MTHFD2L: variants seen among roughly 807,000 people sequenced by gnomAD.
The protein encoded by MTHFD2L is methylenetetrahydrofolate dehydrogenase (NADP+ dependent) 2 like.
In MTHFD2L, 29 loss-of-function variants were observed where a neutral mutation model predicts 34.9. The ratio of observed to expected loss-of-function variants is 0.83; its 90% CI spans 0.62 to 1.13. The LOEUF is 1.13. MTHFD2L is among the 50% of genes most tolerant of loss of function. MTHFD2L has a pLI of 0.00. For synonymous variants in MTHFD2L, 167 were observed against 155.7 expected (o/e 1.07, Z -0.54); for missense variants, 481 against 446.5 (o/e 1.08, Z -0.70).
chr4:74,159,594 T>C (rs1485129987), intron 1 of MTHFD2L, among the ~76,000 whole-genome samples: 3 of 152,232 alleles, frequency 2.0e-5, no homozygotes, highest in Non-Finnish European at 4.4e-5. Flanking sequence ...ATGACCTGCA[T>C]ACATTGAATG....
intron 2 of MTHFD2L, among the ~76,000 whole-genome samples, chr4:74,115,045 A>ACT (rs1261415865): frequency 6.6e-6 from 1 of 152,168 alleles, no homozygotes. Context: ...ATGGTACATC[A>ACT]CAGTAAGTGT....
chr4:74,167,118 C>T (rs1441768038), intron 1 of MTHFD2L, among the ~76,000 whole-genome samples: 1 of 152,210 alleles, frequency 6.6e-6, no homozygotes, highest in African/African-American at 2.4e-5. Context: ...CAGTTGACAG[C>T]CCACCCCAGT....
At position 74,301,925 on chromosome 4, in the gene MTHFD2L, TG is replaced by T. The variant is rs1260321401; in HGVS notation, c.*119del. 8 of 497,492 alleles carry T rather than the reference TG, an allele frequency of 1.6e-5. No individual in the cohort carries two copies. Among genetic ancestry groups the T allele is most frequent in the Non-Finnish European group, 2.1e-5 (6 of 286,596 alleles). 30.8% of individuals were successfully genotyped at this position (497,492 alleles called of 1,614,324 possible). On this transcript the variant is annotated 3_prime_UTR_variant, in exon 8 of 8. Coordinates refer to ENST00000325278, the MANE Select transcript of MTHFD2L (RefSeq NM_001144978.3). ...TTTCTACATGGTATTTATTTTTTCATGGGTGAAATCATTGTGAATCAATTGA... is the reference window on the plus strand; with the variant it reads ...TTTCTACATGGTATTTATTTTTTCATGGTGAAATCATTGTGAATCAATTGA...
In MTHFD2L at chr4:74,177,552, A is replaced by G. The variant is rs532185210; in HGVS notation, c.451+2149A>G. Among the ~76,000 whole-genome samples, 139 of 152,094 alleles carry G rather than the reference A, an allele frequency of 9.1e-4. 1 individual carries two copies. Among genetic ancestry groups the G allele is most frequent in the Non-Finnish European group, 1.3e-3 (86 of 67,890 alleles). On this transcript the variant is annotated intron_variant, in intron 3 of 7. Coordinates refer to ENST00000325278, the MANE Select transcript of MTHFD2L (RefSeq NM_001144978.3). The stretch of plus-strand genomic sequence containing the variant: ...CAGGGAAAGGCAAATTAAAACCACA[A>G]TGAGATATCACCTCACACCTGTTAG...
chr4:74,252,222 C>A (rs1743415001), intron 6 of MTHFD2L, among the ~76,000 whole-genome samples: 1 of 152,342 alleles, frequency 6.6e-6, no homozygotes, highest in East Asian at 1.9e-4. Context: ...AAGAACAAGT[C>A]TAGAAATGAA....
chr4:74,264,698 CTT>C (rs1745080044), intron 6 of MTHFD2L, among the ~76,000 whole-genome samples: 1 of 151,134 alleles, frequency 6.6e-6, no homozygotes, highest in African/African-American at 2.4e-5. Context: ...TAAGTACAAA[CTT>C]AAAAAAAAAG....
intron 3 of MTHFD2L, among the ~76,000 whole-genome samples, chr4:74,193,585 T>C (rs573565686): frequency 2.0e-5 from 3 of 152,208 alleles, no homozygotes; most frequent in Non-Finnish European, 4.4e-5. Flanking sequence ...GCCTTTTATT[T>C]ATTTACGTCA....
In MTHFD2L at chr4:74,302,067, A is replaced by G. The variant is rs1455038414; in HGVS notation, c.*258A>G. ...TTTATTTTGAGGGTATTTGTTCATA[A>G]CATTAAAACAATAAAGGGCTCATAA... On this transcript the variant is annotated 3_prime_UTR_variant, in exon 8 of 8. Transcript: ENST00000325278. 4.5e-5 allele frequency: 13 copies of G among 291,504 alleles called. No individual in the cohort carries two copies. Among genetic ancestry groups the G allele is most frequent in the South Asian group, 2.5e-4 (2 of 8,070 alleles). The allele number at this position is 291,504 out of a possible 1,614,324, so 18.1% of individuals were successfully genotyped here.
chr4:74,254,146 A>T (rs890814884), intron 6 of MTHFD2L, among the ~76,000 whole-genome samples: 2 of 152,154 alleles, frequency 1.3e-5, no homozygotes, highest in African/African-American at 4.8e-5. Context: ...ATATTAACAG[A>T]CAACTTCTAA....
intron 3 of MTHFD2L, chr4:74,190,454 T>C (rs904316802): frequency 1.0e-6 from 1 of 985,230 alleles, no homozygotes; most frequent in African/African-American, 1.7e-5. Flanking sequence ...GGGGCAGTTT[T>C]CGTGGCTGTA....
chr4:74,268,217 A>G lies in MTHFD2L; in HGVS notation c.806-13208A>G, dbSNP rs1334454701. The G allele has an allele frequency of 7.1e-6, 7 of 982,472 alleles. No individual in the cohort carries two copies. The South Asian group carries it at 3.3e-4, about 47-fold the overall frequency. 60.9% of individuals were successfully genotyped at this position (982,472 alleles called of 1,614,324 possible). A position where few individuals can be genotyped will look rare whatever the true frequency, so the allele number is the denominator to read the frequency against. The stretch of plus-strand genomic sequence containing the variant: ...CTAATGTAGGCTCTATTTATCTAGG[A>G]TGCATTTAGCCATTATATTACTGTC... On this transcript the variant is annotated intron_variant, in intron 6 of 7. Transcript: ENST00000325278.
chr4:74,228,046 G>C (rs1392011917), intron 6 of MTHFD2L, among the ~76,000 whole-genome samples: 6 of 152,054 alleles, frequency 3.9e-5, no homozygotes, highest in African/African-American at 1.4e-4. Flanking sequence ...AAATAGAAAT[G>C]TTCTTTTTCC....
intron 7 of MTHFD2L, among the ~76,000 whole-genome samples, chr4:74,291,806 T>C (rs1260044390): frequency 6.6e-6 from 1 of 152,216 alleles, no homozygotes; most frequent in African/African-American, 2.4e-5. Context: ...AAAACTATTA[T>C]TAATCTGTGA....
At chr4:74,240,976 A>G (rs1034519963) in intron 6 of MTHFD2L, among the ~76,000 whole-genome samples, 4 of 152,176 alleles carry the variant, frequency 2.6e-5, no homozygotes, top group Admixed American at 2.6e-4. Flanking sequence ...TTATTCCTCA[A>G]TAAAGCTTTT....
chr4:74,194,195 T>G (rs569106928), intron 3 of MTHFD2L: 33 of 152,302 alleles, frequency 2.2e-4, no homozygotes, highest in African/African-American at 7.5e-4. Flanking sequence ...ATACAGAATT[T>G]GTATACAATG....
At chr4:74,239,736 CT>C (rs1179240045) in intron 6 of MTHFD2L, among the ~76,000 whole-genome samples, 1 of 152,060 alleles carries the variant, frequency 6.6e-6, no homozygotes, top group Non-Finnish European at 1.5e-5. Context: ...TAATATGTGC[CT>C]TTCAGATGAA....
At chr4:74,173,589 C>G (rs1458706103) in intron 1 of MTHFD2L, among the ~76,000 whole-genome samples, 1 of 152,152 alleles carries the variant, frequency 6.6e-6, no homozygotes, top group Non-Finnish European at 1.5e-5. Flanking sequence ...CTCATGACTT[C>G]AGAGTCTTGT....
At chr4:74,221,080 T>C (rs1044042188) in intron 5 of MTHFD2L, among the ~76,000 whole-genome samples, 3 of 151,200 alleles carry the variant, frequency 2.0e-5, no homozygotes, top group Non-Finnish European at 3.0e-5. Flanking sequence ...TTAAAAGAAT[T>C]TTTAAAAACT....
At chr4:74,172,606 AC>A (rs1728238037) in intron 1 of MTHFD2L, among the ~76,000 whole-genome samples, 1 of 152,236 alleles carries the variant, frequency 6.6e-6, no homozygotes, top group South Asian at 2.1e-4. Context: ...ACATGGTCAT[AC>A]ACAAGAATCA....
Sources: allele counts gnomAD v4.1 joint callset (sites outside exome capture counted in the v4.1 genomes callset), GRCh38; gene constraint gnomAD v4.1.1; transcripts MANE v1.5; gene names NCBI Gene and HGNC (gene_info 2026-07-23, HGNC 2026-07-21).